NMT1: variants seen among roughly 807,000 people sequenced by gnomAD.
NMT1 encodes the protein glycylpeptide N-tetradecanoyltransferase 1.
In NMT1, 12 loss-of-function variants were observed where a neutral mutation model predicts 63.4. The ratio of observed to expected loss-of-function variants is 0.19; its 90% CI spans 0.12 to 0.31. The LOEUF (loss-of-function observed/expected upper bound fraction) is 0.31, where lower values mean the gene tolerates loss of function less well. NMT1 is among the 10% of genes least tolerant of loss of function. NMT1 has a pLI of 1.00. For synonymous variants in NMT1, 228 were observed against 234.3 expected (o/e 0.97, Z 0.25); for missense variants, 432 against 634.6 (o/e 0.68, Z 3.43).
In NMT1 at chr17:45,105,589, AG is replaced by A. The variant is rs767399850; in HGVS notation, c.1471-29del. 1 of 1,612,988 alleles carries A rather than the reference AG, an allele frequency of 6.2e-7. No homozygotes were observed. The highest frequency in any genetic ancestry group is 1.3e-5 in the African/African-American group (1 of 75,008). ...AGAGTCTTTGGGCCACTGTCAACTC[AG>A]CTCTGCCTCTCCCTGTTGGCTTTCC... On this transcript the variant is annotated intron_variant, in intron 11 of 11. Transcript: ENST00000258960. The surrounding 1 kb of genome is among the most constrained non-coding windows in gnomAD (Gnocchi z 4.2).
At chr17:45,087,350 C>T (rs1303830908) in intron 3 of NMT1, among the ~76,000 whole-genome samples, 1 of 152,148 alleles carries the variant, frequency 6.6e-6, no homozygotes, top group East Asian at 1.9e-4. Context: ...TGTCTCCTAG[C>T]CAATGCATGC....
intron 1 of NMT1, among the ~76,000 whole-genome samples, chr17:45,076,686 G>A (rs187351534): frequency 1.9e-4 from 29 of 151,848 alleles, no homozygotes; most frequent in African/African-American, 5.3e-4. Context: ...GGAGGCGGAG[G>A]CTGCAGTGAG....
At chr17:45,074,166 G>T (rs2053961995) in intron 1 of NMT1, among the ~76,000 whole-genome samples, 1 of 151,720 alleles carries the variant, frequency 6.6e-6, no homozygotes, top group African/African-American at 2.4e-5. Flanking sequence ...GCATCCTTAG[G>T]ATGTCTTACA....
Position 45,105,660 on chromosome 17 carries a change from G to A in NMT1, c.*21G>A, listed in dbSNP as rs1053733. 698,267 of 1,607,772 alleles carry A rather than the reference G, an allele frequency of 0.43. 155,225 individuals are homozygous for A. The highest frequency in any genetic ancestry group is 0.76 in the East Asian group (33,647 of 44,378). On this transcript the variant is annotated 3_prime_UTR_variant, in exon 12 of 12. Coordinates refer to ENST00000258960, the MANE Select transcript of NMT1 (RefSeq NM_021079.5). This position sits in a 1 kb window ranked among gnomAD's most constrained non-coding sequence, Gnocchi z 4.2. ...AATAACCAGTCACCAGTGCGATTCT[G>A]GATAAAGCCACTGAAAATTCGAACC...
At chr17:45,093,603 T>C (rs1261380156) in intron 3 of NMT1, 82 bp from the exon 4 acceptor site, 2 of 1,086,536 alleles carry the variant, frequency 1.8e-6, no homozygotes, top group Non-Finnish European at 2.7e-6. Context: ...AGGAGGAATT[T>C]GCTCTGGTTG....
At chr17:45,061,515 T>G in intron 1 of NMT1, 55 bp downstream of exon 1, 40 of 1,546,456 alleles carry the variant, frequency 2.6e-5, no homozygotes, top group Non-Finnish European at 3.1e-5. Flanking sequence ...CCTGGGTCTC[T>G]GGGGTGCGGG....
chr17:45,100,908 G>A (rs1227130567), intron 8 of NMT1, among the ~76,000 whole-genome samples: 9 of 138,230 alleles, frequency 6.5e-5, no homozygotes, highest in South Asian at 4.9e-4. Context: ...AAGGCCAGGC[G>A]CGGTGGCTCA....
intron 7 of NMT1, 75 bp from the exon 8 acceptor site, chr17:45,099,330 T>A: frequency 9.9e-7 from 1 of 1,013,794 alleles, no homozygotes; most frequent in East Asian, 2.4e-5. Context: ...GCTGGCCAGC[T>A]GGGGTCTCCC....
In NMT1 at chr17:45,091,237, C is replaced by CACACACGT. The variant is rs1555606665; in HGVS notation, c.386-2448_386-2447insACACACGT. ...ACACACACACACACACACACACACA[C>CACACACGT]GTCCCATAGCACCCTGTACTTCATT... On this transcript the variant is annotated intron_variant, in intron 3 of 11. Transcript: ENST00000258960. Among the ~76,000 whole-genome samples the CACACACGT allele has an allele frequency of 1.1e-3, 159 of 148,432 alleles. 1 individual carries two copies. The highest frequency in any genetic ancestry group is 1.5e-3 in the African/African-American group (59 of 40,062).
chr17:45,068,828 A>G (rs2053920128), intron 1 of NMT1, among the ~76,000 whole-genome samples: 1 of 151,972 alleles, frequency 6.6e-6, no homozygotes, highest in Admixed American at 6.6e-5. Flanking sequence ...TGTATTTTTA[A>G]TAGAGACACG....
chr17:45,099,205 G>A (rs1185205255), intron 7 of NMT1, among the ~76,000 whole-genome samples, 200 bp from the exon 8 acceptor site: 1 of 152,162 alleles, frequency 6.6e-6, no homozygotes, highest in East Asian at 1.9e-4. Flanking sequence ...AGAAAAATAG[G>A]GAGAAAGAAA....
Position 45,061,405 on chromosome 17 carries a change from G to A in NMT1, c.76G>A (p.Gly26Ser), listed in dbSNP as rs770300796. 1 of 1,614,088 alleles carries A rather than the reference G, an allele frequency of 6.2e-7. No homozygotes were observed. The highest frequency in any genetic ancestry group is 1.1e-5 in the South Asian group (1 of 91,050). Residue 26 changes from glycine to serine, a missense_variant, in exon 1 of 12, where the codon GGC (glycine) becomes AGC (serine). This residue lies in a region of NMT1 where 121 missense variants were observed against 103.7 expected (regional missense o/e 1.17). Transcript: ENST00000258960. ...LPQMMEGNGN[G>S]HEHCSDCENE... The stretch of plus-strand genomic sequence containing the variant: ...GCAGATGATGGAAGGGAACGGGAAC[G>A]GCCATGAGCACTGCAGCGATTGCGA...
intron 4 of NMT1, among the ~76,000 whole-genome samples, chr17:45,094,895 C>T (rs1291666100): frequency 6.6e-6 from 1 of 151,274 alleles, no homozygotes; most frequent in East Asian, 1.9e-4. Context: ...TTACCCCAAC[C>T]TCCACCTTCC....
intron 7 of NMT1, chr17:45,098,831 G>A (rs542891999): frequency 2.6e-4 from 100 of 382,924 alleles, no homozygotes; most frequent in Non-Finnish European, 3.7e-4. Flanking sequence ...CTGGTGGTTT[G>A]TTTTTGTTTT....
chr17:45,073,771 C>T (rs923614831), intron 1 of NMT1, among the ~76,000 whole-genome samples: 1 of 152,186 alleles, frequency 6.6e-6, no homozygotes, highest in Non-Finnish European at 1.5e-5. Context: ...ATTGATGGCT[C>T]CTCCCTAGAT....
At chr17:45,072,094 A>G (rs1372145796) in intron 1 of NMT1, among the ~76,000 whole-genome samples, 1 of 152,042 alleles carries the variant, frequency 6.6e-6, no homozygotes, top group African/African-American at 2.4e-5. Flanking sequence ...TCTACAAAAC[A>G]TATAAAAATT....
chr17:45,078,480 C>T (rs1436850436), intron 1 of NMT1, among the ~76,000 whole-genome samples: 4 of 151,918 alleles, frequency 2.6e-5, no homozygotes, highest in African/African-American at 9.7e-5. Context: ...AGATCACTTT[C>T]TCCCTGTATA....
intron 2 of NMT1, among the ~76,000 whole-genome samples, chr17:45,086,281 C>T (rs568264691): frequency 6.7e-6 from 1 of 150,366 alleles, no homozygotes; most frequent in East Asian, 2.0e-4. Flanking sequence ...CCCGCCACCA[C>T]GCCTGGCTAA....
At chr17:45,062,995 G>C (rs1183758796) in intron 1 of NMT1, among the ~76,000 whole-genome samples, 2 of 151,966 alleles carry the variant, frequency 1.3e-5, no homozygotes, top group Non-Finnish European at 2.9e-5. Flanking sequence ...ACGAGGTCAG[G>C]AGATCGAGAC....
Sources: allele counts gnomAD v4.1 joint callset (sites outside exome capture counted in the v4.1 genomes callset), GRCh38; gene constraint gnomAD v4.1.1; regional missense constraint gnomAD v4.1.1; non-coding constraint Gnocchi (gnomAD v3.1); transcripts MANE v1.5; gene names NCBI Gene and HGNC (gene_info 2026-07-23, HGNC 2026-07-21).